RPS6KA5: variants seen among roughly 807,000 people sequenced by gnomAD.
RPS6KA5 encodes ribosomal protein S6 kinase A5.
In RPS6KA5, 27 loss-of-function variants were observed where a neutral mutation model predicts 85.5. The ratio of observed to expected loss-of-function variants is 0.32; its 90% confidence interval spans 0.23 to 0.44. RPS6KA5 has a LOEUF of 0.44. Among genes scored for constraint, RPS6KA5 ranks in the 20% least tolerant of loss-of-function variants. The probability of loss-of-function intolerance (pLI) is 1.00; values close to 1 mark genes in which losing one functional copy is unlikely to be tolerated. For synonymous variants in RPS6KA5, 334 were observed against 348.2 expected, an observed-to-expected ratio of 0.96 and a Z score of 0.46; for missense variants, 811 against 980.9, an observed-to-expected ratio of 0.83 and a Z score of 2.31.
chr14:90,885,611 G>A (rs1378453828), intron 14 of RPS6KA5, among the ~76,000 whole-genome samples: 1 of 132,828 alleles, frequency 7.5e-6, no homozygotes. Context: ...GCGAGGTGGC[G>A]GGCGCCTGTA....
At chr14:90,883,178 A>G (rs1046142207) in intron 14 of RPS6KA5, among the ~76,000 whole-genome samples, 7 of 152,178 alleles carry the variant, frequency 4.6e-5, no homozygotes, top group Non-Finnish European at 1.0e-4. Context: ...TCAAAATTGG[A>G]AAGTTTTCCA....
intron 13 of RPS6KA5, 47 bp from the exon 14 acceptor site, chr14:90,890,725 G>A (rs1298639086): frequency 1.3e-6 from 2 of 1,495,918 alleles, no homozygotes; most frequent in South Asian, 1.2e-5. Flanking sequence ...GGCATGTCTT[G>A]GGAATTGCTG....
chr14:90,953,275 ATGGACATTTATC>A (rs1249844683), intron 3 of RPS6KA5, among the ~76,000 whole-genome samples: 2 of 152,214 alleles, frequency 1.3e-5, no homozygotes, highest in Admixed American at 6.5e-5. Flanking sequence ...TGAAGATTTC[ATGGACATTTATC>A]TGGACATTTA....
At chr14:90,913,492 A>T (rs115404162) in intron 7 of RPS6KA5, among the ~76,000 whole-genome samples, 5,007 of 152,256 alleles carry the variant, frequency 0.033, 274 homozygotes, top group African/African-American at 0.12. Flanking sequence ...AGGCTTCCTT[A>T]GTGAACCAAA....
rs531667852 is a variant in RPS6KA5, at chr14:90,983,817, GTCTCTC to G, written c.176-5299_176-5294del. 2.3e-4 allele frequency among the ~76,000 whole-genome samples: 26 copies of G among 111,056 alleles called. 1 individual carries two copies. Among genetic ancestry groups the G allele is most frequent in the South Asian group, 6.4e-4 (2 of 3,106 alleles). The allele number at this position is 111,056 out of a possible 152,430, so 72.9% of individuals were successfully genotyped here. On this transcript the variant is annotated intron_variant, in intron 2 of 16. Transcript: ENST00000614987. ...TCTCTCTCTCTCTCTCTCTCTCTCT[GTCTCTC>G]TCTCTCTCTCTCTCTCTTTCTTTTT...
chr14:91,058,441 C>A (rs892157582), intron 1 of RPS6KA5, among the ~76,000 whole-genome samples: 1 of 152,208 alleles, frequency 6.6e-6, no homozygotes, highest in African/African-American at 2.4e-5. Context: ...TAATAACAAG[C>A]AGGTTGCTCC....
intron 3 of RPS6KA5, among the ~76,000 whole-genome samples, chr14:90,971,211 G>C (rs1238876298): frequency 1.3e-5 from 2 of 152,140 alleles, no homozygotes; most frequent in Admixed American, 1.3e-4. Flanking sequence ...CAGCTACTCG[G>C]GAGGCTGAGG....
intron 1 of RPS6KA5, among the ~76,000 whole-genome samples, chr14:91,020,114 A>G (rs762749011): frequency 7.9e-5 from 12 of 152,164 alleles, no homozygotes; most frequent in Non-Finnish European, 1.5e-4. Flanking sequence ...ATTATAATCT[A>G]ATGGGACCAC....
At chr14:90,896,770 G>C (rs2034857747) in intron 12 of RPS6KA5, among the ~76,000 whole-genome samples, 1 of 152,014 alleles carries the variant, frequency 6.6e-6, no homozygotes, top group Admixed American at 6.6e-5. Flanking sequence ...ACCCAGGCTG[G>C]AGTGCAGTGG....
At chr14:91,058,238 G>A (rs1022603616) in intron 1 of RPS6KA5, among the ~76,000 whole-genome samples, 10 of 152,262 alleles carry the variant, frequency 6.6e-5, no homozygotes, top group African/African-American at 1.9e-4. Context: ...ATGATTGTTC[G>A]TTTCCTTTGA....
At chr14:91,056,833 T>TATCCCTTTA (rs1012348213) in intron 1 of RPS6KA5, among the ~76,000 whole-genome samples, 8 of 140,516 alleles carry the variant, frequency 5.7e-5, no homozygotes, top group African/African-American at 2.3e-4. Flanking sequence ...TATACTTGAA[T>TATCCCTTTA]ATCCCTTTAC....
rs191387384 is a variant in RPS6KA5, at chr14:91,044,969, A to G, written c.103+15363T>C. On this transcript the variant is annotated intron_variant, in intron 1 of 16. Transcript: ENST00000614987. Reference sequence around the variant, plus strand: ...AAGGAAACTGGAACCTTGGGGAACAAATACAGGAACTGAATTCTACCAACA... The same window carrying G: ...AAGGAAACTGGAACCTTGGGGAACAGATACAGGAACTGAATTCTACCAACA... Among the ~76,000 whole-genome samples, 75 of 152,264 alleles carry G rather than the reference A, an allele frequency of 4.9e-4. 1 individual carries two copies. Among genetic ancestry groups the G allele is most frequent in the African/African-American group, 1.7e-3 (71 of 41,570 alleles).
At chr14:91,035,876 A>C (rs1415247392) in intron 1 of RPS6KA5, among the ~76,000 whole-genome samples, 1 of 99,590 alleles carries the variant, frequency 1.0e-5, no homozygotes, top group Non-Finnish European at 2.1e-5. Context: ...AAAAAAAAAA[A>C]AAAAACCCCA....
At chr14:90,991,441 C>A (rs1463395979) in intron 2 of RPS6KA5, among the ~76,000 whole-genome samples, 1 of 152,008 alleles carries the variant, frequency 6.6e-6, no homozygotes, top group Non-Finnish European at 1.5e-5. Context: ...GCAGCTGATA[C>A]CTGTAATCCC....
At chr14:90,994,611 G>A (rs1365847444) in intron 2 of RPS6KA5, among the ~76,000 whole-genome samples, 29 of 113,976 alleles carry the variant, frequency 2.5e-4, no homozygotes, top group African/African-American at 7.6e-4. Context: ...TCACTCTGTC[G>A]CCCAGGCTGG....
Position 90,944,616 on chromosome 14 carries a change from G to A in RPS6KA5, c.511-1431C>T, listed in dbSNP as rs555391670. 1.4e-4 allele frequency among the ~76,000 whole-genome samples: 22 copies of A among 152,246 alleles called. No homozygotes were observed. The South Asian group carries it at 2.1e-3, about 14-fold the overall frequency. ...ACTAAAAATACAAAATTAGCCGGGCGTGGTGGCACATGCCTGTAATCCCAG... is the reference window on the plus strand; with the variant it reads ...ACTAAAAATACAAAATTAGCCGGGCATGGTGGCACATGCCTGTAATCCCAG... On this transcript the variant is annotated intron_variant, in intron 4 of 16. Coordinates refer to ENST00000614987, the MANE Select transcript of RPS6KA5 (RefSeq NM_004755.4).
rs575286543 is a variant in RPS6KA5 at position 90,926,880 on chromosome 14, C to T, written c.619-3684G>A. The stretch of plus-strand genomic sequence containing the variant: ...TAAATTGAACTTGAAAGAAAAAACT[C>T]AGATGCAAGAAGCAAGAATAAGCAG... On this transcript the variant is annotated intron_variant, in intron 5 of 16. Coordinates refer to ENST00000614987, the MANE Select transcript of RPS6KA5 (RefSeq NM_004755.4). Among the ~76,000 whole-genome samples, 18 of 152,064 alleles carry T rather than the reference C, an allele frequency of 1.2e-4. No individual in the cohort carries two copies. In the South Asian group the frequency reaches 3.7e-3, roughly 32 times the overall value.
In RPS6KA5 at chr14:90,895,342, A is replaced by C. The variant is rs528609555; in HGVS notation, c.1474-759T>G. 2.1e-4 allele frequency among the ~76,000 whole-genome samples: 32 copies of C among 152,150 alleles called. 1 individual carries two copies. The Middle Eastern group carries it at 0.014, about 65-fold the overall frequency. On this transcript the variant is annotated intron_variant, in intron 12 of 16. Coordinates refer to ENST00000614987, the MANE Select transcript of RPS6KA5 (RefSeq NM_004755.4). ...GTCAACACAGTGAGACTGTCTGTACAAAAAAAATTAAAACATAAAAGTTTA... is the reference window on the plus strand; with the variant it reads ...GTCAACACAGTGAGACTGTCTGTACCAAAAAAATTAAAACATAAAAGTTTA...
intron 4 of RPS6KA5, among the ~76,000 whole-genome samples, chr14:90,945,207 G>A (rs376463655): frequency 2.0e-5 from 3 of 149,876 alleles, no homozygotes; most frequent in African/African-American, 7.4e-5. Flanking sequence ...AGCTGTGATC[G>A]TGCCACTGCA....
Sources: gnomAD v4.1 joint callset for allele counts (sites outside exome capture counted in the v4.1 genomes callset) on GRCh38, gnomAD v4.1.1 for gene constraint, MANE v1.5 for transcripts, NCBI Gene and HGNC (gene_info 2026-07-23, HGNC 2026-07-21) for gene names.